Variants in NFIL3 observed in about 807,000 individuals in gnomAD.
NFIL3 encodes the protein nuclear factor, interleukin 3 regulated, also known as nuclear factor interleukin-3-regulated protein.
NFIL3 carries 5 observed loss-of-function variants against 10.0 expected under a neutral mutation model. The observed-to-expected ratio is 0.50, with a 90% CI of 0.26 to 1.06. The LOEUF is 1.06. NFIL3 is among the 50% of genes least tolerant of loss of function. The probability of loss-of-function intolerance (pLI) is 0.13; values close to 1 mark genes in which losing one functional copy is unlikely to be tolerated. For synonymous variants in NFIL3, 202 were observed against 206.5 expected (o/e 0.98, Z 0.19); for missense variants, 436 against 547.6 (o/e 0.80, Z 2.03).
the NFIL3 span, among the ~76,000 whole-genome samples, chr9:91,463,316 C>A: frequency 6.6e-6 from 1 of 151,782 alleles, no homozygotes; most frequent in Non-Finnish European, 1.5e-5. Flanking sequence ...TGCCAACATG[C>A]ACATTTCATG....
the NFIL3 span, among the ~76,000 whole-genome samples, chr9:91,437,458 G>A: frequency 4.6e-5 from 7 of 152,178 alleles, no homozygotes; most frequent in African/African-American, 1.7e-4. Flanking sequence ...CTATAAAGAA[G>A]CAGATTAACA....
At chr9:91,430,160 G>A in the NFIL3 span, among the ~76,000 whole-genome samples, 8 of 152,124 alleles carry the variant, frequency 5.3e-5, no homozygotes, top group East Asian at 3.8e-4. Flanking sequence ...ATGTGTGTGC[G>A]TGTCCATATT....
chr9:91,452,064 A>G, the NFIL3 span, among the ~76,000 whole-genome samples: 1 of 152,178 alleles, frequency 6.6e-6, no homozygotes, highest in Non-Finnish European at 1.5e-5. Flanking sequence ...GTTAACCTGG[A>G]AAACTAGTTT....
chr9:91,482,103 C>A, the NFIL3 span, among the ~76,000 whole-genome samples: 1 of 152,102 alleles, frequency 6.6e-6, no homozygotes, highest in African/African-American at 2.4e-5. Flanking sequence ...CCGGCAATAT[C>A]CATTAAAAAG....
At chr9:91,415,074 G>A (rs1195918939) in intron 1 of NFIL3, among the ~76,000 whole-genome samples, 1 of 152,124 alleles carries the variant, frequency 6.6e-6, no homozygotes, top group Admixed American at 6.5e-5. Flanking sequence ...CACATATGGA[G>A]CACCTACTGT....
the NFIL3 span, among the ~76,000 whole-genome samples, chr9:91,456,064 A>G: frequency 6.6e-6 from 1 of 152,214 alleles, no homozygotes; most frequent in African/African-American, 2.4e-5. Context: ...TTTCATTAGT[A>G]TAATTATTTT....
chr9:91,449,748 C>T, the NFIL3 span, among the ~76,000 whole-genome samples: 8 of 151,992 alleles, frequency 5.3e-5, no homozygotes, highest in Non-Finnish European at 8.8e-5. Context: ...TTCCTCTCCT[C>T]TTCTATTTTT....
At chr9:91,479,072 T>G in the NFIL3 span, among the ~76,000 whole-genome samples, 7 of 152,154 alleles carry the variant, frequency 4.6e-5, no homozygotes, top group Non-Finnish European at 7.4e-5. Flanking sequence ...CTGTATGAGG[T>G]GTCCGTCAAC....
chr9:91,438,713 A>AT, the NFIL3 span, among the ~76,000 whole-genome samples: 12 of 152,128 alleles, frequency 7.9e-5, no homozygotes, highest in Non-Finnish European at 1.2e-4. Flanking sequence ...GTCCAATTTC[A>AT]TTCTTTTATA....
chr9:91,471,340 C>CTT, the NFIL3 span, among the ~76,000 whole-genome samples: 39 of 143,626 alleles, frequency 2.7e-4, no homozygotes, highest in East Asian at 1.6e-3. Context: ...GCAACCCCTG[C>CTT]TTTTTTTTTT....
upstream of NFIL3, among the ~76,000 whole-genome samples, chr9:91,428,263 T>A (rs1490867999): frequency 6.6e-6 from 1 of 152,240 alleles, no homozygotes. Flanking sequence ...TCTATTATTC[T>A]TAGTTTTTTC....
At position 91,410,044 on chromosome 9, in the gene NFIL3, C is replaced by G. The variant is rs1833512580; in HGVS notation, c.691G>C (p.Glu231Gln). The change falls in exon 2 of 2, where the codon GAG becomes CAG. Residue 231 changes from glutamate to glutamine, a missense_variant. Coordinates refer to ENST00000297689, the MANE Select transcript of NFIL3 (RefSeq NM_005384.3). This position sits in a 1 kb window ranked among gnomAD's most constrained non-coding sequence, Gnocchi z 5.7. ...EPMELESYTR[E>Q]PRDDRGSYTA... ...TAAGAGCCTCGGTCATCTCTTGGCT[C>G]CCTTGTGTAGCTCTCTAATTCCATC... 6.2e-7 allele frequency: 1 copy of G among 1,612,590 alleles called. No individual in the cohort carries two copies. Among genetic ancestry groups the G allele is most frequent in the South Asian group, 1.1e-5 (1 of 91,066 alleles).
chr9:91,409,691 C>T lies in NFIL3; in HGVS notation c.1044G>A (p.Thr348=), dbSNP rs141662610. Residue 348 remains threonine, a synonymous_variant, in exon 2 of 2, where the codon ACG becomes ACA. Coordinates refer to ENST00000297689, the MANE Select transcript of NFIL3 (RefSeq NM_005384.3). ...TGTCAATAGGTGAGGAAAGTTTTTG[C>T]GTGGCCTCAAATTCATTATCAAAGG... ...VEAFDNEFEA[T]QKLSSPIDMT... 106 of 1,614,114 alleles carry T rather than the reference C, an allele frequency of 6.6e-5. No homozygotes were observed. The highest frequency in any genetic ancestry group is 3.3e-4 in the Middle Eastern group (2 of 6,062).
chr9:91,467,054 A>G, the NFIL3 span, among the ~76,000 whole-genome samples: 2 of 152,172 alleles, frequency 1.3e-5, no homozygotes, highest in Non-Finnish European at 2.9e-5. Context: ...CTTCAACAAC[A>G]ACTGTTACCT....
the NFIL3 span, among the ~76,000 whole-genome samples, chr9:91,460,433 C>A: frequency 2.0e-5 from 3 of 151,696 alleles, no homozygotes; most frequent in Middle Eastern, 3.2e-3. Flanking sequence ...CACCATCATG[C>A]CTGGCTAATT....
chr9:91,426,848 TG>T (rs1833878077), upstream of NFIL3: 1 of 152,208 alleles, frequency 6.6e-6, no homozygotes, highest in Non-Finnish European at 1.5e-5. Context: ...TGTCTTGAGC[TG>T]GAACATCCCC....
At chr9:91,424,047 C>G (rs570886606), upstream of NFIL3, among the ~76,000 whole-genome samples, 1 of 150,612 alleles carries the variant, frequency 6.6e-6, no homozygotes, top group Admixed American at 6.6e-5. Flanking sequence ...GCTCGCGTCC[C>G]TCCCCGGCCA....
chr9:91,409,351 C>T lies in NFIL3; in HGVS notation c.1384G>A (p.Gly462Arg). 6.4e-7 allele frequency: 1 copy of T among 1,557,394 alleles called. No homozygotes were observed. The highest frequency in any genetic ancestry group is 8.7e-7 in the Non-Finnish European group (1 of 1,154,340). Residue 462 changes from glycine to arginine, a missense_variant, in exon 2 of 2, where the codon GGG becomes AGG. By Grantham distance (125) the Gly-to-Arg change is moderately radical (BLOSUM62 -2). Around this residue, in one of 3 missense-constraint regions of NFIL3, gnomAD observed 338 missense variants for 399.9 expected, o/e 0.85. Transcript: ENST00000297689. ...ATQPISASDS[G>R] is the part of the protein sequence containing the mutation. ...AGCTCTTACTCAGTAGTAATTTACC[C>T]AGAGTCTGAAGCAGAGATTGGTTGT... is the stretch of plus-strand genomic sequence containing the variant.
At chr9:91,482,920 C>T in the NFIL3 span, among the ~76,000 whole-genome samples, 1 of 152,212 alleles carries the variant, frequency 6.6e-6, no homozygotes, top group East Asian at 1.9e-4. Flanking sequence ...CCGAAAGGCG[C>T]ACATGTCAGC....
Sources: allele counts gnomAD v4.1 joint callset (sites outside exome capture counted in the v4.1 genomes callset), GRCh38; gene constraint gnomAD v4.1.1; regional missense constraint gnomAD v4.1.1; non-coding constraint Gnocchi (gnomAD v3.1); transcripts MANE v1.5; gene names NCBI Gene and HGNC (gene_info 2026-07-23, HGNC 2026-07-21).